Variants in RIN3 observed in about 807,000 individuals in gnomAD.
RIN3 encodes Ras and Rab interactor 3.
Under a neutral mutation model 76.3 loss-of-function variants are expected in RIN3, and 54 were observed. The ratio of observed to expected loss-of-function variants is 0.71; its 90% confidence interval spans 0.57 to 0.89. The LOEUF (loss-of-function observed/expected upper bound fraction) is 0.89. RIN3 is among the 40% of genes least tolerant of loss of function. The probability of loss-of-function intolerance (pLI) is 0.00; values close to 1 mark genes in which losing one functional copy is unlikely to be tolerated. For synonymous variants in RIN3, 576 were observed against 564.0 expected (o/e 1.02, Z -0.30); for missense variants, 1,256 against 1,322.1 (o/e 0.95, Z 0.78).
intron 4 of RIN3, among the ~76,000 whole-genome samples, chr14:92,628,474 T>A (rs1450066375): frequency 1.3e-5 from 2 of 152,162 alleles, no homozygotes; most frequent in East Asian, 1.9e-4. Flanking sequence ...GTGTCAGATG[T>A]CTCTGACCTT....
intron 3 of RIN3, among the ~76,000 whole-genome samples, chr14:92,578,254 AAAAAG>A (rs1898318206): frequency 6.6e-6 from 1 of 151,940 alleles, no homozygotes; most frequent in Admixed American, 6.6e-5. Context: ...AAAAAAGAAA[AAAAAG>A]AAAAAAGAAG....
chr14:92,527,327 C>T (rs1386804518), intron 1 of RIN3, among the ~76,000 whole-genome samples: 1 of 152,162 alleles, frequency 6.6e-6, no homozygotes, highest in African/African-American at 2.4e-5. Context: ...GCTGGGATTA[C>T]AGGCGTGAGC....
At position 92,563,039 on chromosome 14, in the gene RIN3, C is replaced by T. The variant is rs148335305; in HGVS notation, c.249+7084C>T. Among the ~76,000 whole-genome samples, 621 of 152,170 alleles carry T rather than the reference C, an allele frequency of 4.1e-3. 3 individuals carry two copies. The highest frequency in any genetic ancestry group is 0.014 in the African/African-American group (588 of 41,500). Reference sequence around the variant, plus strand: ...CCCTAGGTGTGAGCCCAAGGAGTACCGATTCTGTTGAGTATTAGTTTGGTA... The same window carrying T: ...CCCTAGGTGTGAGCCCAAGGAGTACTGATTCTGTTGAGTATTAGTTTGGTA... On this transcript the variant is annotated intron_variant, in intron 2 of 9. Transcript: ENST00000216487.
intron 3 of RIN3, among the ~76,000 whole-genome samples, chr14:92,593,661 G>A (rs1200112760): frequency 6.6e-6 from 1 of 152,090 alleles, no homozygotes; most frequent in Non-Finnish European, 1.5e-5. Flanking sequence ...TGCACGTTGT[G>A]CACATGTACC....
At chr14:92,515,276 C>A (rs1484866712) in intron 1 of RIN3, 5 of 698,786 alleles carry the variant, frequency 7.2e-6, no homozygotes, top group Non-Finnish European at 1.3e-5. Context: ...CCAACCCTCA[C>A]ACCCACTTGC....
At chr14:92,667,076 G>A (rs1888130732) in intron 7 of RIN3, among the ~76,000 whole-genome samples, 1 of 151,936 alleles carries the variant, frequency 6.6e-6, no homozygotes, top group African/African-American at 2.4e-5. Context: ...GTTCAGGCAG[G>A]GGCAGCCGCA....
chr14:92,645,597 C>T (rs900113474), intron 5 of RIN3, among the ~76,000 whole-genome samples: 1 of 152,202 alleles, frequency 6.6e-6, no homozygotes, highest in Non-Finnish European at 1.5e-5. Flanking sequence ...TTGCCAGGGG[C>T]TGCATAGAAA....
intron 7 of RIN3, among the ~76,000 whole-genome samples, chr14:92,674,287 A>C (rs1156458627): frequency 6.6e-6 from 1 of 152,198 alleles, no homozygotes; most frequent in African/African-American, 2.4e-5. Flanking sequence ...TGTAGCGTGC[A>C]GTTGCCCAGG....
rs74074812 is a variant in RIN3 at position 92,652,478 on chromosome 14, C to T, written c.1429C>T (p.Pro477Ser). 11,932 of 1,614,078 alleles carry T rather than the reference C, an allele frequency of 7.4e-3. 807 individuals carry two copies. The African/African-American group carries it at 0.14, about 19-fold the overall frequency. Reference sequence around the variant, plus strand: ...ACAACTGGCCTCGACCCTCCCAGCTCCCTTAGAGAACGCTGAGCTCTGCAC... The same window carrying T: ...ACAACTGGCCTCGACCCTCCCAGCTTCCTTAGAGAACGCTGAGCTCTGCAC... ...SRQLASTLPAPLENAELCTQA... is the reference protein window; with the variant it reads ...SRQLASTLPASLENAELCTQA... Residue 477 changes from proline (P) to serine (S), a missense_variant, in exon 6 of 10, where the codon CCC (proline) becomes TCC (serine). By Grantham distance (74) the Pro-to-Ser change is moderately conservative (BLOSUM62 -1). Around this residue, in one of 3 missense-constraint regions of RIN3, gnomAD observed 428 missense variants for 521.2 expected, o/e 0.82. Coordinates refer to ENST00000216487, the MANE Select transcript of RIN3 (RefSeq NM_024832.5). The surrounding 1 kb of genome is among the most constrained non-coding windows in gnomAD (Gnocchi z 6.4).
intron 3 of RIN3, among the ~76,000 whole-genome samples, chr14:92,594,188 T>C (rs1885078450): frequency 6.8e-6 from 1 of 146,402 alleles, no homozygotes; most frequent in Non-Finnish European, 1.5e-5. Context: ...ATCCCAGCAC[T>C]TTGGGAGGCC....
chr14:92,645,877 G>A (rs1887180340), intron 5 of RIN3, among the ~76,000 whole-genome samples: 1 of 151,994 alleles, frequency 6.6e-6, no homozygotes, highest in South Asian at 2.1e-4. Flanking sequence ...ACTTGAACTC[G>A]GGAAGTGGAG....
At chr14:92,597,030 C>T (rs895968366) in intron 3 of RIN3, among the ~76,000 whole-genome samples, 1 of 152,138 alleles carries the variant, frequency 6.6e-6, no homozygotes, top group Non-Finnish European at 1.5e-5. Flanking sequence ...ATTACCAGCA[C>T]ACTACTGCTC....
intron 7 of RIN3, among the ~76,000 whole-genome samples, chr14:92,666,580 C>T (rs1171032268): frequency 1.4e-5 from 1 of 71,978 alleles, no homozygotes; most frequent in African/African-American, 1.1e-4. Context: ...CAGGAGCAGA[C>T]CGGGATTCTT....
At chr14:92,591,946 ATTC>A (rs751289917) in intron 3 of RIN3, among the ~76,000 whole-genome samples, 12 of 152,140 alleles carry the variant, frequency 7.9e-5, no homozygotes, top group Non-Finnish European at 1.5e-4. Flanking sequence ...TACTTTTCTT[ATTC>A]TTAATTGACC....
intron 6 of RIN3, among the ~76,000 whole-genome samples, chr14:92,658,740 TGGAA>T (rs1887765124): frequency 6.6e-6 from 1 of 152,146 alleles, no homozygotes; most frequent in South Asian, 2.1e-4. Flanking sequence ...GTGTGGGAAT[TGGAA>T]GGGAGATATC....
At chr14:92,534,434 G>C (rs550618824) in intron 1 of RIN3, among the ~76,000 whole-genome samples, 13 of 151,884 alleles carry the variant, frequency 8.6e-5, no homozygotes, top group African/African-American at 3.1e-4. Context: ...ACAAAAATTA[G>C]CTGGGCATGG....
rs140971894 is a variant in RIN3 at position 92,555,846 on chromosome 14, G to A, written c.140G>A (p.Arg47His). The A allele has an allele frequency of 4.5e-5, 73 of 1,614,102 alleles. No individual in the cohort carries two copies. The highest frequency in any genetic ancestry group is 1.2e-4 in the South Asian group (11 of 91,072). ...AACCCGAAAAACTGCCTTCCTCACC[G>A]CCGGGGCATCAGCATCCTGGAGAAG... ...PANPKNCLPH[R>H]RGISILEKLI... Residue 47 changes from arginine to histidine, a missense_variant, in exon 2 of 10, where the codon CGC becomes CAC. Transcript: ENST00000216487.
At chr14:92,587,284 C>T (rs1450527833) in intron 3 of RIN3, among the ~76,000 whole-genome samples, 1 of 152,204 alleles carries the variant, frequency 6.6e-6, no homozygotes, top group African/African-American at 2.4e-5. Flanking sequence ...AGGTAATGGC[C>T]TTCCTGGCTG....
chr14:92,518,525 C>T (rs1302649301), intron 1 of RIN3, among the ~76,000 whole-genome samples: 13 of 152,206 alleles, frequency 8.5e-5, no homozygotes, highest in Non-Finnish European at 1.8e-4. Context: ...CACTCCTCTC[C>T]AAGTCTGGAA....
Sources: gnomAD v4.1 joint callset for allele counts (sites outside exome capture counted in the v4.1 genomes callset) on GRCh38, gnomAD v4.1.1 for gene constraint, gnomAD v4.1.1 regional missense constraint, Gnocchi (gnomAD v3.1) non-coding constraint, MANE v1.5 for transcripts, NCBI Gene and HGNC (gene_info 2026-07-23, HGNC 2026-07-21) for gene names.